Variants in AGPAT4 observed in about 807,000 individuals in gnomAD.
AGPAT4 encodes 1-acylglycerol-3-phosphate O-acyltransferase 4.
Under a neutral mutation model 48.0 loss-of-function variants are expected in AGPAT4, and 15 were observed. The ratio of observed to expected loss-of-function variants is 0.31; its 90% CI spans 0.21 to 0.48. The LOEUF (loss-of-function observed/expected upper bound fraction) is 0.48. AGPAT4 is among the 20% of genes least tolerant of loss of function. The pLI, the probability that AGPAT4 is intolerant of heterozygous loss-of-function variation, is 0.99. For synonymous variants in AGPAT4, 178 were observed against 198.7 expected (o/e 0.90, Z 0.88); for missense variants, 314 against 482.5 (o/e 0.65, Z 3.27).
At chr6:161,205,876 A>C (rs1781366247) in intron 2 of AGPAT4, among the ~76,000 whole-genome samples, 1 of 152,164 alleles carries the variant, frequency 6.6e-6, no homozygotes, top group Non-Finnish European at 1.5e-5. Flanking sequence ...TTCTGGGATA[A>C]GATAGAGTAG....
In AGPAT4 at chr6:161,130,060, C is replaced by T. The variant is rs1778852068; in HGVS notation, c.*6480G>A. 3 of 152,328 alleles carry T rather than the reference C, an allele frequency of 2.0e-5. No individual in the cohort carries two copies. Among genetic ancestry groups the T allele is most frequent in the Admixed American group, 2.0e-4 (3 of 15,300 alleles). The allele number at this position is 152,328 out of a possible 1,614,324, so 9.4% of individuals were successfully genotyped here. On this transcript the variant is annotated 3_prime_UTR_variant, in exon 9 of 9. Coordinates refer to ENST00000320285, the MANE Select transcript of AGPAT4 (RefSeq NM_020133.3). Reference sequence around the variant, plus strand: ...TCCACACATACTTTATTAGTTTTATCTTTGTTCAGCCCACCAACAAAAATT... The same window carrying T: ...TCCACACATACTTTATTAGTTTTATTTTTGTTCAGCCCACCAACAAAAATT...
chr6:161,265,120 C>T (rs936199125), intron 1 of AGPAT4, among the ~76,000 whole-genome samples: 2 of 151,830 alleles, frequency 1.3e-5, no homozygotes, highest in African/African-American at 4.8e-5. Context: ...TTAGTACCCA[C>T]TGCTGGACTG....
At position 161,156,717 on chromosome 6, in the gene AGPAT4, A is replaced by G. The variant is rs371956359; in HGVS notation, c.349-2407T>C. 5.3e-5 allele frequency among the ~76,000 whole-genome samples: 8 copies of G among 152,374 alleles called. No homozygotes were observed. In the East Asian group the frequency reaches 1.5e-3, roughly 29 times the overall value. On this transcript the variant is annotated intron_variant, in intron 3 of 8. Transcript: ENST00000320285. ...TAAACAAAATCTCTGCAGCACTGTG[A>G]CATGTTCATGATGGCCATAACACCC...
chr6:161,252,910 C>A (rs1782842646), intron 1 of AGPAT4, among the ~76,000 whole-genome samples: 2 of 152,070 alleles, frequency 1.3e-5, no homozygotes, highest in Non-Finnish European at 2.9e-5. Flanking sequence ...GCTTACAATA[C>A]AGAGTCTACA....
rs1250224506 is a variant in AGPAT4, at chr6:161,233,076, A to G, written c.-89-774T>C. On this transcript the variant is annotated intron_variant, in intron 1 of 8. Coordinates refer to ENST00000320285, the MANE Select transcript of AGPAT4 (RefSeq NM_020133.3). This position sits in a 1 kb window ranked among gnomAD's most constrained non-coding sequence, Gnocchi z 5.4. ...ACTACCCCCACCACACCCTGGTCAC[A>G]CACACAGAGACACATAGACACACAC... Among the ~76,000 whole-genome samples the G allele has an allele frequency of 6.6e-6, 1 of 151,342 alleles. No homozygotes were observed. Among genetic ancestry groups the G allele is most frequent in the East Asian group, 1.9e-4 (1 of 5,140 alleles).
chr6:161,167,813 A>G (rs1292451440), intron 2 of AGPAT4, among the ~76,000 whole-genome samples: 2 of 152,230 alleles, frequency 1.3e-5, no homozygotes, highest in Non-Finnish European at 2.9e-5. Context: ...CAGTGCCTTC[A>G]TCTTTGGAAT....
rs1403197467 is a variant in AGPAT4, at chr6:161,214,130, C to T, written c.178+17906G>A. Among the ~76,000 whole-genome samples, 1 of 152,216 alleles carries T rather than the reference C, an allele frequency of 6.6e-6. No homozygotes were observed. Among genetic ancestry groups the T allele is most frequent in the Middle Eastern group, 3.2e-3 (1 of 316 alleles). On this transcript the variant is annotated intron_variant, in intron 2 of 8. Transcript: ENST00000320285. This position sits in a 1 kb window ranked among gnomAD's most constrained non-coding sequence, Gnocchi z 5.4. ...CAAAAGAATGCTACCATTTGTCTCT[C>T]ACCTACCTGTGACCTGGAAGCCCCT...
chr6:161,228,661 T>TAAAAAAAAAAAAAAAAAAAAAAAA lies in AGPAT4; in HGVS notation c.178+3374_178+3375insTTTTTTTTTTTTTTTTTTTTTTTT, dbSNP rs375011382. The stretch of plus-strand genomic sequence containing the variant: ...TTTGAAACCCACAATGTCAGAGAGG[T>TAAAAAAAAAAAAAAAAAAAAAAAA]AAAAAAAAAAAAAAAAGCCAGTCTT... On this transcript the variant is annotated intron_variant, in intron 2 of 8. Coordinates refer to ENST00000320285, the MANE Select transcript of AGPAT4 (RefSeq NM_020133.3). 2.9e-4 allele frequency among the ~76,000 whole-genome samples: 24 copies of TAAAAAAAAAAAAAAAAAAAAAAAA among 84,112 alleles called. 2 individuals are homozygous for TAAAAAAAAAAAAAAAAAAAAAAAA. The highest frequency in any genetic ancestry group is 7.8e-4 in the African/African-American group (14 of 17,890). The allele number at this position is 84,112 out of a possible 152,430, so 55.2% of individuals were successfully genotyped here.
At chr6:161,190,054 C>T (rs1446091492) in intron 2 of AGPAT4, among the ~76,000 whole-genome samples, 2 of 152,064 alleles carry the variant, frequency 1.3e-5, no homozygotes. Context: ...ACAGGGTGAC[C>T]TTAGGAAGCT....
chr6:161,265,419 T>C (rs577371354), intron 1 of AGPAT4, among the ~76,000 whole-genome samples: 1 of 145,356 alleles, frequency 6.9e-6, no homozygotes, highest in East Asian at 2.1e-4. Context: ...TACCCACCGC[T>C]GGACTGGGTG....
rs1562562383 is a variant in AGPAT4 at position 161,136,311 on chromosome 6, T to A, written c.*229A>T. On this transcript the variant is annotated 3_prime_UTR_variant, in exon 9 of 9. Coordinates refer to ENST00000320285, the MANE Select transcript of AGPAT4 (RefSeq NM_020133.3). ...ACCACACAGCCATTCTCACACACAC[T>A]CGCACAAAAAGAAAACCAAAGCCCA... 5 of 488,012 alleles carry A rather than the reference T, an allele frequency of 1.0e-5. No individual in the cohort carries two copies. Among genetic ancestry groups the A allele is most frequent in the East Asian group, 3.8e-5 (1 of 26,548 alleles). The allele number at this position is 488,012 out of a possible 1,614,324, so 30.2% of individuals were successfully genotyped here. A position where few individuals can be genotyped will look rare whatever the true frequency, so the allele number is the denominator to read the frequency against.
chr6:161,200,784 G>A lies in AGPAT4; in HGVS notation c.178+31252C>T, dbSNP rs950754718. Among the ~76,000 whole-genome samples the A allele has an allele frequency of 6.6e-6, 1 of 152,134 alleles. No individual in the cohort carries two copies. Among genetic ancestry groups the A allele is most frequent in the Non-Finnish European group, 1.5e-5 (1 of 68,014 alleles). On this transcript the variant is annotated intron_variant, in intron 2 of 8. Coordinates refer to ENST00000320285, the MANE Select transcript of AGPAT4 (RefSeq NM_020133.3). This position sits in a 1 kb window ranked among gnomAD's most constrained non-coding sequence, Gnocchi z 5.5. ...ACGGTCCATGTGTTACACTGCCCCC[G>A]CAGGATGGCTCTTGTCTCTGAGAAG...
At chr6:161,209,087 A>T (rs547687896) in intron 2 of AGPAT4, among the ~76,000 whole-genome samples, 1 of 152,186 alleles carries the variant, frequency 6.6e-6, no homozygotes, top group Non-Finnish European at 1.5e-5. Flanking sequence ...TCAGCTTGAA[A>T]CCTGGTGATA....
chr6:161,168,377 T>C (rs1272725197), intron 2 of AGPAT4, among the ~76,000 whole-genome samples: 2 of 151,974 alleles, frequency 1.3e-5, no homozygotes, highest in Admixed American at 6.5e-5. Context: ...TTCGTTTGTG[T>C]CACAGGCCAA....
In AGPAT4 at chr6:161,226,703, T is replaced by C. The variant is rs553806244; in HGVS notation, c.178+5333A>G. The stretch of plus-strand genomic sequence containing the variant: ...TAACACATAGAATGAAAGCAGATGA[T>C]AGCACATTGATGTGGCCAGGATTCC... On this transcript the variant is annotated intron_variant, in intron 2 of 8. Transcript: ENST00000320285. The surrounding 1 kb of genome is among the most constrained non-coding windows in gnomAD (Gnocchi z 6.3). Among the ~76,000 whole-genome samples, 1 of 152,194 alleles carries C rather than the reference T, an allele frequency of 6.6e-6. No homozygotes were observed. The highest frequency in any genetic ancestry group is 1.5e-5 in the Non-Finnish European group (1 of 68,034).
In AGPAT4 at chr6:161,238,187, T is replaced by C. The variant is rs1782357248; in HGVS notation, c.-89-5885A>G. 6.6e-6 allele frequency among the ~76,000 whole-genome samples: 1 copy of C among 152,124 alleles called. No homozygotes were observed. Among genetic ancestry groups the C allele is most frequent in the African/African-American group, 2.4e-5 (1 of 41,414 alleles). ...TGGCTACAAATCCAGGCCTGGCCAC[T>C]TTACAGCTATGGAAGTTGATTAACT... On this transcript the variant is annotated intron_variant, in intron 1 of 8. Coordinates refer to ENST00000320285, the MANE Select transcript of AGPAT4 (RefSeq NM_020133.3). The surrounding 1 kb of genome is among the most constrained non-coding windows in gnomAD (Gnocchi z 5.2).
chr6:161,226,227 A>G lies in AGPAT4; in HGVS notation c.178+5809T>C, dbSNP rs1781979137. Among the ~76,000 whole-genome samples, 1 of 151,990 alleles carries G rather than the reference A, an allele frequency of 6.6e-6. No homozygotes were observed. Among genetic ancestry groups the G allele is most frequent in the African/African-American group, 2.4e-5 (1 of 41,374 alleles). On this transcript the variant is annotated intron_variant, in intron 2 of 8. Coordinates refer to ENST00000320285, the MANE Select transcript of AGPAT4 (RefSeq NM_020133.3). The surrounding 1 kb of genome is among the most constrained non-coding windows in gnomAD (Gnocchi z 6.3). ...GTTAGGACAGGGGCCACTCAGGGAC[A>G]CTCCCTTTCTGACATCTTGGAGCTG...
rs1278444537 is a variant in AGPAT4, at chr6:161,143,223, C to T, written c.843+3301G>A. Among the ~76,000 whole-genome samples the T allele has an allele frequency of 6.6e-6, 1 of 152,182 alleles. No individual in the cohort carries two copies. Among genetic ancestry groups the T allele is most frequent in the Non-Finnish European group, 1.5e-5 (1 of 68,030 alleles). On this transcript the variant is annotated intron_variant, in intron 7 of 8. Transcript: ENST00000320285. This position sits in a 1 kb window ranked among gnomAD's most constrained non-coding sequence, Gnocchi z 4.7. ...CAGTAGCTGGGACTACAGGTGTGTACCGCTAGGTGCAGCTAGTTTGTAAAA... is the reference window on the plus strand; with the variant it reads ...CAGTAGCTGGGACTACAGGTGTGTATCGCTAGGTGCAGCTAGTTTGTAAAA...
In AGPAT4 at chr6:161,237,028, A is replaced by C. The variant is rs373127340; in HGVS notation, c.-89-4726T>G. 7.2e-5 allele frequency among the ~76,000 whole-genome samples: 11 copies of C among 152,354 alleles called. No homozygotes were observed. In the East Asian group the frequency reaches 1.9e-3, roughly 27 times the overall value. ...CGCGGAAACACAAAGACATTTTTAA[A>C]TCATACAGAATAGGAAAAATGCCAG... On this transcript the variant is annotated intron_variant, in intron 1 of 8. Transcript: ENST00000320285.
Sources: allele counts gnomAD v4.1 joint callset (sites outside exome capture counted in the v4.1 genomes callset), GRCh38; gene constraint gnomAD v4.1.1; non-coding constraint Gnocchi (gnomAD v3.1); transcripts MANE v1.5; gene names NCBI Gene and HGNC (gene_info 2026-07-23, HGNC 2026-07-21).